DOCK2: variants seen among roughly 807,000 people sequenced by gnomAD.
DOCK2 encodes the protein dedicator of cytokinesis 2, also known as dedicator of cytokinesis protein 2.
In DOCK2, 87 loss-of-function variants were observed where a neutral mutation model predicts 248.9. That is an observed-to-expected ratio of 0.35 (90% CI 0.29 to 0.42). DOCK2 has a LOEUF of 0.42. DOCK2 is among the 10% of genes least tolerant of loss of function. DOCK2 has a pLI of 1.00. For synonymous variants in DOCK2, 805 were observed against 821.6 expected (o/e 0.98, Z 0.35); for missense variants, 1,747 against 2,300.2 (o/e 0.76, Z 4.92).
At chr5:169,839,578 G>A (rs980133052) in intron 26 of DOCK2, among the ~76,000 whole-genome samples, 4 of 152,178 alleles carry the variant, frequency 2.6e-5, no homozygotes, top group Admixed American at 1.3e-4. Flanking sequence ...AGATGAATAT[G>A]CTTGAAACCC....
At chr5:170,065,920 G>T (rs947944934) in intron 44 of DOCK2, among the ~76,000 whole-genome samples, 2 of 151,336 alleles carry the variant, frequency 1.3e-5, no homozygotes, top group Admixed American at 1.3e-4. Flanking sequence ...AAAGTGAAGG[G>T]ATGGAAAAAT....
intron 27 of DOCK2, among the ~76,000 whole-genome samples, chr5:169,887,062 G>A (rs910267985): frequency 6.6e-6 from 1 of 152,164 alleles, no homozygotes; most frequent in African/African-American, 2.4e-5. Context: ...ATAAGTGATG[G>A]AGCTGTCATT....
chr5:169,841,411 G>A (rs1036041042), intron 27 of DOCK2: 54 of 986,960 alleles, frequency 5.5e-5, no homozygotes, highest in Non-Finnish European at 6.1e-5. Context: ...AACCCAGCTC[G>A]AACCCTTTAA....
At chr5:170,011,005 A>C (rs894014355) in intron 32 of DOCK2, among the ~76,000 whole-genome samples, 1 of 152,176 alleles carries the variant, frequency 6.6e-6, no homozygotes, top group Non-Finnish European at 1.5e-5. Context: ...CAAATATTCC[A>C]CCTGCTTAGA....
chr5:170,054,095 T>C (rs1353439148), intron 41 of DOCK2, among the ~76,000 whole-genome samples: 1 of 152,216 alleles, frequency 6.6e-6, no homozygotes, highest in Non-Finnish European at 1.5e-5. Flanking sequence ...AAGAGAGGGA[T>C]GCTGATAAGG....
chr5:169,881,523 G>GT, intron 27 of DOCK2: 1 of 1,075,636 alleles, frequency 9.3e-7, no homozygotes, highest in East Asian at 2.6e-5. Flanking sequence ...TTGTCCCTTA[G>GT]TCCCTATAGC....
intron 25 of DOCK2, among the ~76,000 whole-genome samples, chr5:169,788,884 T>C (rs1766150682): frequency 6.6e-6 from 1 of 152,276 alleles, no homozygotes; most frequent in African/African-American, 2.4e-5. Context: ...TGCGGGTTTG[T>C]TATATGGGTA....
At chr5:169,883,561 T>C in intron 27 of DOCK2, 1 of 1,551,680 alleles carries the variant, frequency 6.4e-7, no homozygotes, top group Non-Finnish European at 8.7e-7. Context: ...TGTGAGTCTC[T>C]TCCTTTTGAA....
At chr5:169,990,130 ACT>A (rs1056569617) in intron 29 of DOCK2, among the ~76,000 whole-genome samples, 8 of 150,688 alleles carry the variant, frequency 5.3e-5, no homozygotes, top group Admixed American at 4.0e-4. Flanking sequence ...ACAGAGTCTC[ACT>A]CTGTCGCCCA....
At chr5:169,817,684 T>C (rs1358135969) in intron 26 of DOCK2, among the ~76,000 whole-genome samples, 2 of 152,254 alleles carry the variant, frequency 1.3e-5, no homozygotes, top group Admixed American at 6.5e-5. Context: ...CCCTGTCTCT[T>C]GGAAATTTGA....
intron 2 of DOCK2, among the ~76,000 whole-genome samples, chr5:169,666,147 G>C (rs1716214904): frequency 6.6e-6 from 1 of 152,076 alleles, no homozygotes; most frequent in Admixed American, 6.5e-5. Flanking sequence ...GCCGCTTCTT[G>C]GTTTGTAGAT....
chr5:169,825,498 T>G (rs187089067), intron 26 of DOCK2, among the ~76,000 whole-genome samples: 41,351 of 147,696 alleles, frequency 0.28, 7,781 homozygotes, highest in African/African-American at 0.54. Context: ...GAAACCATCA[T>G]TCTGAGCAAA....
chr5:169,668,977 T>G (rs538188535), intron 2 of DOCK2, among the ~76,000 whole-genome samples: 1 of 152,302 alleles, frequency 6.6e-6, no homozygotes, highest in East Asian at 1.9e-4. Flanking sequence ...GCAGATGCTC[T>G]GTCTGGTGGA....
At chr5:169,688,953 A>G (rs1330635904) in intron 8 of DOCK2, among the ~76,000 whole-genome samples, 1 of 152,236 alleles carries the variant, frequency 6.6e-6, no homozygotes, top group Non-Finnish European at 1.5e-5. Context: ...AACCTCTATC[A>G]GTATGCAGAT....
intron 41 of DOCK2, among the ~76,000 whole-genome samples, chr5:170,052,172 A>G (rs558816532): frequency 1.3e-5 from 2 of 152,174 alleles, no homozygotes; most frequent in Non-Finnish European, 2.9e-5. Flanking sequence ...TAATCCAAAT[A>G]TTCTTCTCTC....
chr5:169,696,628 G>A (rs558848431), intron 10 of DOCK2, among the ~76,000 whole-genome samples: 1 of 152,174 alleles, frequency 6.6e-6, no homozygotes, highest in Admixed American at 6.5e-5. Context: ...TGATATGCCA[G>A]TTTTCTTTTT....
In DOCK2 at chr5:169,991,199, G is replaced by A. The variant is rs1303235595; in HGVS notation, c.2994-4887G>A. The stretch of plus-strand genomic sequence containing the variant: ...CTTCCATTCCTGGGCCTGGGCCAGG[G>A]AGTAGTACATGTAGTGTGTATAGGC... On this transcript the variant is annotated intron_variant, in intron 29 of 51. Coordinates refer to ENST00000520908, the MANE Select transcript of DOCK2 (RefSeq NM_004946.3). Among the ~76,000 whole-genome samples the A allele has an allele frequency of 5.9e-5, 9 of 152,238 alleles. 1 individual carries two copies. Among genetic ancestry groups the A allele is most frequent in the Admixed American group, 5.9e-4 (9 of 15,288 alleles).
At chr5:169,867,952 C>G (rs768327895) in intron 27 of DOCK2, among the ~76,000 whole-genome samples, 7 of 152,184 alleles carry the variant, frequency 4.6e-5, no homozygotes, top group Non-Finnish European at 7.3e-5. Context: ...CAGGAACACA[C>G]ATAGTTCACA....
At chr5:169,747,603 GT>G in intron 23 of DOCK2, 99 bp downstream of exon 23, 2 of 1,090,430 alleles carry the variant, frequency 1.8e-6, no homozygotes, top group Non-Finnish European at 2.6e-6. Context: ...ATGCAAACTT[GT>G]ATCCAGTGAA....
Sources: allele counts gnomAD v4.1 joint callset (sites outside exome capture counted in the v4.1 genomes callset), GRCh38; gene constraint gnomAD v4.1.1; transcripts MANE v1.5; gene names NCBI Gene and HGNC (gene_info 2026-07-23, HGNC 2026-07-21).